TAS1R3: variants seen among roughly 807,000 people sequenced by gnomAD.
The protein encoded by TAS1R3 is taste receptor type 1 member 3.
A neutral mutation model predicts 46.1 loss-of-function variants in TAS1R3; 58 were observed. That is an observed-to-expected ratio of 1.26 (90% CI 1.02 to 1.57). The LOEUF (loss-of-function observed/expected upper bound fraction) is 1.57. Among genes scored for constraint, TAS1R3 ranks in the 40% most tolerant of loss-of-function variants. The pLI, the probability that TAS1R3 is intolerant of heterozygous loss-of-function variation, is 0.00. For missense variants in TAS1R3, 1,422 were observed against 1,185.8 expected (o/e 1.20, Z -2.93); for synonymous variants, 724 against 544.7 (o/e 1.33, Z -4.58).
rs369401556 is a variant in TAS1R3 at position 1,331,842 on chromosome 1, G to A, written c.396G>A (p.Thr132=). ...ACATCGCCGCCTACTGCAACTACACGCAGTACCAGCCCCGTGTGCTGGCTG... is the reference window on the plus strand; with the variant it reads ...ACATCGCCGCCTACTGCAACTACACACAGTACCAGCCCCGTGTGCTGGCTG... ...SRDIAAYCNY[T]QYQPRVLAVI... is the part of the protein sequence containing the mutation. Residue 132 remains threonine, a synonymous_variant, in exon 2 of 6, where the codon ACG becomes ACA. Coordinates refer to ENST00000339381, the MANE Select transcript of TAS1R3 (RefSeq NM_152228.3). The A allele has an allele frequency of 1.7e-5, 27 of 1,612,774 alleles. No homozygotes were observed. The highest frequency in any genetic ancestry group is 2.7e-5 in the African/African-American group (2 of 74,932).
At position 1,332,138 on chromosome 1, in the gene TAS1R3, G is replaced by A; in HGVS notation, c.607G>A (p.Glu203Lys). The change falls in exon 3 of 6, where the codon GAG becomes AAG. Residue 203 changes from glutamate to lysine, a missense_variant. Glu to Lys is a moderately conservative substitution (Grantham distance 56). Coordinates refer to ENST00000339381, the MANE Select transcript of TAS1R3 (RefSeq NM_152228.3). ...QLTAAAELLQ[E>K]FGWNWVAALG... ...GACGGCCGCCGCGGAGCTGCTGCAG[G>A]AGTTCGGCTGGAACTGGGTGGCCGC... is the stretch of plus-strand genomic sequence containing the variant. 2 of 1,599,034 alleles carry A rather than the reference G, an allele frequency of 1.3e-6. No individual in the cohort carries two copies. The highest frequency in any genetic ancestry group is 1.7e-6 in the Non-Finnish European group (2 of 1,179,576).
In TAS1R3 at chr1:1,332,824, G is replaced by A; in HGVS notation, c.1275+18G>A. On this transcript the variant is annotated intron_variant, in intron 3 of 5. Coordinates refer to ENST00000339381, the MANE Select transcript of TAS1R3 (RefSeq NM_152228.3). ...CCTGGCAGGTGAGCCCGGGAGATGGGGGTGTGCTGTCCTCTGCATGTGCCC... is the reference window on the plus strand; with the variant it reads ...CCTGGCAGGTGAGCCCGGGAGATGGAGGTGTGCTGTCCTCTGCATGTGCCC... 6.3e-7 allele frequency: 1 copy of A among 1,598,366 alleles called. No homozygotes were observed. The highest frequency in any genetic ancestry group is 8.5e-7 in the Non-Finnish European group (1 of 1,172,820).
At chr1:1,332,878 A>G in intron 3 of TAS1R3, 43 bp from the exon 4 acceptor site, 1 of 1,590,034 alleles carries the variant, frequency 6.3e-7, no homozygotes, top group Non-Finnish European at 8.6e-7. Context: ...ACCACGCCTG[A>G]GCTGGAGGTG....
At position 1,332,595 on chromosome 1, in the gene TAS1R3, G is replaced by A. The variant is rs776220108; in HGVS notation, c.1064G>A (p.Gly355Asp). The change falls in exon 3 of 6, where the codon GGC (glycine) becomes GAC (aspartate). Residue 355 changes from glycine to aspartate, a missense_variant. Physicochemically the swap from Gly to Asp is moderately conservative, Grantham distance 94. Coordinates refer to ENST00000339381, the MANE Select transcript of TAS1R3 (RefSeq NM_152228.3). ...GACCCGGCCTTCTGCTCTGCCCTGG[G>A]CGAGAGGGAGCAGGGTCTGGAGGAG... ...ATDPAFCSAL[G>D]EREQGLEEDV... is the part of the protein sequence containing the mutation. The A allele has an allele frequency of 3.1e-6, 5 of 1,611,154 alleles. No homozygotes were observed. The highest frequency in any genetic ancestry group is 2.7e-5 in the African/African-American group (2 of 74,940).
At position 1,331,544 on chromosome 1, in the gene TAS1R3, GGTGGGACGGC is replaced by G. The variant is rs751805095; in HGVS notation, c.191+9_191+18del. On this transcript the variant is annotated intron_variant, in intron 1 of 5. Transcript: ENST00000339381. ...CAGCCCTGTGTGCACCAGGTACAGA[GGTGGGACGGC>G]CTGGGTCGGGGTCAGGGTGACCAGG... 6.3e-7 allele frequency: 1 copy of G among 1,598,016 alleles called. No homozygotes were observed. Among genetic ancestry groups the G allele is most frequent in the Admixed American group, 1.7e-5 (1 of 57,326 alleles).
Position 1,331,905 on chromosome 1 carries a change from C to T in TAS1R3, c.459C>T (p.Thr153=), listed in dbSNP as rs147731455. The part of the protein sequence containing the change: ...GPHSSELAMV[T]GKFFSFFLMP... ...ACTCGTCAGAGCTCGCCATGGTCAC[C>T]GGCAAGTTCTTCAGCTTCTTCCTCA... The change falls in exon 2 of 6, where the codon ACC becomes ACT. Residue 153 remains threonine (T), a synonymous_variant. Coordinates refer to ENST00000339381, the MANE Select transcript of TAS1R3 (RefSeq NM_152228.3). The T allele has an allele frequency of 1.6e-3, 2,530 of 1,612,414 alleles. 6 individuals are homozygous for T. Among genetic ancestry groups the T allele is most frequent in the Non-Finnish European group, 2.0e-3 (2,357 of 1,179,628 alleles).
At position 1,333,370 on chromosome 1, in the gene TAS1R3, C is replaced by T. The variant is rs747221393; in HGVS notation, c.1591C>T (p.Gln531Ter). 1 of 1,611,656 alleles carries T rather than the reference C, an allele frequency of 6.2e-7. No individual in the cohort carries two copies. Among genetic ancestry groups the T allele is most frequent in the South Asian group, 1.1e-5 (1 of 90,938 alleles). Reference sequence around the variant, plus strand: ...GGACTGCGAGGCGGGCAGCTACCGGCAAAACCCAGGTGAGCCGCCTTCCCG... The same window carrying T: ...GGACTGCGAGGCGGGCAGCTACCGGTAAAACCCAGGTGAGCCGCCTTCCCG... The part of the protein sequence containing the change: ...CVDCEAGSYR[Q>*]NPDDIACTFC... The change falls in exon 5 of 6, where the codon CAA becomes TAA. Residue 531 changes from glutamine to a stop codon, truncating the protein, a stop_gained. Coordinates refer to ENST00000339381, the MANE Select transcript of TAS1R3 (RefSeq NM_152228.3). LOFTEE classifies it low-confidence loss of function (END_TRUNC).
Position 1,333,376 on chromosome 1 carries a change from C to A in TAS1R3, c.1597C>A (p.Pro533Thr). 1 of 1,611,758 alleles carries A rather than the reference C, an allele frequency of 6.2e-7. No individual in the cohort carries two copies. The part of the protein sequence containing the change: ...DCEAGSYRQN[P>T]DDIACTFCGQ... ...CGAGGCGGGCAGCTACCGGCAAAACCCAGGTGAGCCGCCTTCCCGGCAGGC... is the reference window on the plus strand; with the variant it reads ...CGAGGCGGGCAGCTACCGGCAAAACACAGGTGAGCCGCCTTCCCGGCAGGC... Residue 533 changes from proline to threonine, a missense_variant, in exon 5 of 6, where the codon CCA (proline) becomes ACA (threonine). By Grantham distance (38) the Pro-to-Thr change is conservative. Transcript: ENST00000339381.
chr1:1,331,307 G>A lies in TAS1R3; in HGVS notation c.-39G>A, dbSNP rs755700305. Reference sequence around the variant, plus strand: ...TCACTCCATGTGAGGCCCCAGTCGGGGCAGCCACCTGCCGTGCCTGTTGGA... The same window carrying A: ...TCACTCCATGTGAGGCCCCAGTCGGAGCAGCCACCTGCCGTGCCTGTTGGA... On this transcript the variant is annotated 5_prime_UTR_variant, in exon 1 of 6. Transcript: ENST00000339381. The A allele has an allele frequency of 9.2e-6, 14 of 1,528,932 alleles. No individual in the cohort carries two copies. The highest frequency in any genetic ancestry group is 1.3e-5 in the South Asian group (1 of 78,534). 94.7% of individuals were successfully genotyped at this position (1,528,932 alleles called of 1,614,324 possible).
chr1:1,332,317 G>C lies in TAS1R3; in HGVS notation c.786G>C (p.Gln262His). Residue 262 changes from glutamine (Q) to histidine (H), a missense_variant, in exon 3 of 6, where the codon CAG (glutamine) becomes CAC (histidine). Gln to His is a conservative substitution (Grantham distance 24). Coordinates refer to ENST00000339381, the MANE Select transcript of TAS1R3 (RefSeq NM_152228.3). ...RLGKVQDVLH[Q>H]VNQSSVQVVL... is the part of the protein sequence containing the mutation. ...GGAAGGTGCAGGACGTCCTGCACCA[G>C]GTGAACCAGAGCAGCGTGCAGGTGG... 3 of 1,590,662 alleles carry C rather than the reference G, an allele frequency of 1.9e-6. No homozygotes were observed. Among genetic ancestry groups the C allele is most frequent in the South Asian group, 1.1e-5 (1 of 90,100 alleles).
At chr1:1,331,590 T>C in intron 1 of TAS1R3, 48 bp from the exon 2 acceptor site, 1 of 1,604,158 alleles carries the variant, frequency 6.2e-7, no homozygotes, top group East Asian at 2.2e-5. Context: ...TCTGGGGTGC[T>C]CCTGAGCTGG....
In TAS1R3 at chr1:1,334,499, A is replaced by T; in HGVS notation, c.*35A>T. 6.8e-7 allele frequency: 1 copy of T among 1,468,066 alleles called. No individual in the cohort carries two copies. Among genetic ancestry groups the T allele is most frequent in the South Asian group, 1.4e-5 (1 of 72,520 alleles). 90.9% of individuals were successfully genotyped at this position (1,468,066 alleles called of 1,614,324 possible). Reference sequence around the variant, plus strand: ...GTGATCTCAGCCCCGGTGAACCCAGACTTAGCTGCGATCCCCCCCAAGCCA... The same window carrying T: ...GTGATCTCAGCCCCGGTGAACCCAGTCTTAGCTGCGATCCCCCCCAAGCCA... On this transcript the variant is annotated 3_prime_UTR_variant, in exon 6 of 6. Coordinates refer to ENST00000339381, the MANE Select transcript of TAS1R3 (RefSeq NM_152228.3).
chr1:1,332,843 T>G, intron 3 of TAS1R3, 37 bp downstream of exon 3: 1 of 1,591,966 alleles, frequency 6.3e-7, no homozygotes, highest in Non-Finnish European at 8.6e-7. Context: ...GTCCTCTGCA[T>G]GTGCCCAGGC....
In TAS1R3 at chr1:1,333,580, T is replaced by C; in HGVS notation, c.1675T>C (p.Ser559Pro). The change falls in exon 6 of 6, where the codon TCT becomes CCT. Residue 559 changes from serine (S) to proline (P), a missense_variant. Transcript: ENST00000339381. ...ERSTRCFRRR[S>P]RFLAWGEPAV... Reference sequence around the variant, plus strand: ...AAGCACACGCTGCTTCCGCCGCAGGTCTCGGTTCCTGGCATGGGGCGAGCC... The same window carrying C: ...AAGCACACGCTGCTTCCGCCGCAGGCCTCGGTTCCTGGCATGGGGCGAGCC... The C allele has an allele frequency of 6.2e-7, 1 of 1,607,198 alleles. No homozygotes were observed. The highest frequency in any genetic ancestry group is 8.5e-7 in the Non-Finnish European group (1 of 1,179,890).
chr1:1,332,779 C>T lies in TAS1R3; in HGVS notation c.1248C>T (p.Pro416=), dbSNP rs3813210. 103,252 of 1,605,362 alleles carry T rather than the reference C, an allele frequency of 0.064. 5,835 individuals carry two copies. Among genetic ancestry groups the T allele is most frequent in the African/African-American group, 0.28 (21,070 of 74,984 alleles). The stretch of plus-strand genomic sequence containing the variant: ...TTCAGTGCAACGCCTCAGGCTGCCC[C>T]GCGCAGGACCCCGTGAAGCCCTGGC... ...NTLQCNASGC[P]AQDPVKPWQL... is the part of the protein sequence containing the mutation. Residue 416 remains proline, a synonymous_variant, in exon 3 of 6, where the codon CCC becomes CCT. Transcript: ENST00000339381.
Position 1,332,509 on chromosome 1 carries a change from GA to G in TAS1R3, c.979del (p.Arg327GlyfsTer12). 2 of 1,611,326 alleles carry G rather than the reference GA, an allele frequency of 1.2e-6. No homozygotes were observed. The highest frequency in any genetic ancestry group is 1.7e-6 in the Non-Finnish European group (2 of 1,179,948). On this transcript the variant is annotated frameshift_variant, in exon 3 of 6. Transcript: ENST00000339381. LOFTEE classifies it high-confidence loss of function. The stretch of plus-strand genomic sequence containing the variant: ...TGGGCACGGTGCTTGGCTTCCTCCA[GA>G]GGGGTGCCCAGCTGCACGAGTTCCC... ...QMGTVLGFLQRGAQLHEFPQY... is the reference protein window; with the variant it reads ...QMGTVLGFLQXGAQLHEFPQY...
Position 1,334,452 on chromosome 1 carries a change from G to A in TAS1R3, c.2547G>A (p.Gly849=), listed in dbSNP as rs776502934. ...GQNDGNTGNQ[G]KHE Reference sequence around the variant, plus strand: ...ATGACGGGAACACAGGAAATCAGGGGAAACATGAGTGACCCAACCCTGTGA... The same window carrying A: ...ATGACGGGAACACAGGAAATCAGGGAAAACATGAGTGACCCAACCCTGTGA... The change falls in exon 6 of 6, where the codon GGG becomes GGA. Residue 849 remains glycine, a synonymous_variant. Coordinates refer to ENST00000339381, the MANE Select transcript of TAS1R3 (RefSeq NM_152228.3). 6.4e-7 allele frequency: 1 copy of A among 1,569,368 alleles called. No individual in the cohort carries two copies. Among genetic ancestry groups the A allele is most frequent in the East Asian group, 2.3e-5 (1 of 43,960 alleles).
rs1250082122 is a variant in TAS1R3 at position 1,332,659 on chromosome 1, C to T, written c.1128C>T (p.Ile376=). 1 of 1,607,222 alleles carries T rather than the reference C, an allele frequency of 6.2e-7. No individual in the cohort carries two copies. The change falls in exon 3 of 6, where the codon ATC becomes ATT. Residue 376 remains isoleucine, a synonymous_variant. Coordinates refer to ENST00000339381, the MANE Select transcript of TAS1R3 (RefSeq NM_152228.3). ...AGCGCTGCCCGCAGTGTGACTGCAT[C>T]ACGCTGCAGAACGTGAGCGCAGGGC... ...VGQRCPQCDC[I]TLQNVSAGLN... is the part of the protein sequence containing the mutation.
In TAS1R3 at chr1:1,333,942, C is replaced by T; in HGVS notation, c.2037C>T (p.Pro679=). The change falls in exon 6 of 6, where the codon CCC becomes CCT. Residue 679 remains proline, a synonymous_variant. Transcript: ENST00000339381. The stretch of plus-strand genomic sequence containing the variant: ...GGCTGAGTGGCTGCCTGCGGGGGCC[C>T]TGGGCCTGGCTGGTGGTGCTGCTGG... ...ADRLSGCLRG[P]WAWLVVLLAM... is the part of the protein sequence containing the mutation. The T allele has an allele frequency of 6.2e-7, 1 of 1,600,186 alleles. No homozygotes were observed. The highest frequency in any genetic ancestry group is 2.2e-5 in the East Asian group (1 of 44,880).
Sources: allele counts gnomAD v4.1 joint callset, GRCh38; gene constraint gnomAD v4.1.1; transcripts MANE v1.5; gene names NCBI Gene and HGNC (gene_info 2026-07-23, HGNC 2026-07-21).